Variants in ZNF676 observed in about 807,000 individuals in gnomAD.
ZNF676 encodes the protein zinc finger protein 676.
In ZNF676, 4 loss-of-function variants were observed where a neutral mutation model predicts 6.0. The observed-to-expected ratio is 0.67, with a 90% CI of 0.33 to 1.53. The LOEUF is 1.53. Among genes scored for constraint, ZNF676 ranks in the 40% most tolerant of loss-of-function variants. The pLI, the probability that ZNF676 is intolerant of heterozygous loss-of-function variation, is 0.06. For missense variants in ZNF676, 644 were observed against 679.7 expected, an observed-to-expected ratio of 0.95 and a Z score of 0.58; for synonymous variants, 198 against 223.1, an observed-to-expected ratio of 0.89 and a Z score of 1.00.
chr19:22,242,844 G>C, the ZNF676 span, among the ~76,000 whole-genome samples: 1 of 121,492 alleles, frequency 8.2e-6, no homozygotes, highest in Admixed American at 8.2e-5. Flanking sequence ...TACCCAAGTT[G>C]GGGGGGGGCT....
chr19:22,258,572 C>T, the ZNF676 span, among the ~76,000 whole-genome samples: 2 of 152,154 alleles, frequency 1.3e-5, no homozygotes, highest in Non-Finnish European at 2.9e-5. Flanking sequence ...GTAATGGTCA[C>T]AGCGATACGT....
upstream of ZNF676, among the ~76,000 whole-genome samples, chr19:22,218,114 G>A (rs537307182): frequency 2.0e-5 from 3 of 151,848 alleles, no homozygotes; most frequent in African/African-American, 7.2e-5. Context: ...AATGTTTGTT[G>A]GCCATTTGTA....
intron 2 of ZNF676, among the ~76,000 whole-genome samples, chr19:22,190,325 G>A (rs755222316): frequency 5.3e-5 from 8 of 151,594 alleles, no homozygotes; most frequent in African/African-American, 1.7e-4. Flanking sequence ...CAAAACACTC[G>A]AGCACGCTCT....
intron 1 of ZNF676, among the ~76,000 whole-genome samples, chr19:22,210,689 C>T (rs2024119967): frequency 1.3e-5 from 2 of 152,186 alleles, no homozygotes; most frequent in Admixed American, 6.5e-5. Flanking sequence ...TTACCTACTA[C>T]ACAGCCAGGA....
At chr19:22,202,081 T>C (rs536990737) in intron 1 of ZNF676, among the ~76,000 whole-genome samples, 1 of 152,132 alleles carries the variant, frequency 6.6e-6, no homozygotes, top group African/African-American at 2.4e-5. Context: ...GATTTAGAAT[T>C]TGGAGCTGCA....
the ZNF676 span, among the ~76,000 whole-genome samples, chr19:22,248,350 A>C: frequency 1.3e-5 from 2 of 152,240 alleles, no homozygotes; most frequent in African/African-American, 4.8e-5. Flanking sequence ...GAACTAGTTT[A>C]CAGTCCCACC....
At chr19:22,204,290 AT>A (rs928312951) in intron 1 of ZNF676, among the ~76,000 whole-genome samples, 32 of 152,344 alleles carry the variant, frequency 2.1e-4, no homozygotes, top group African/African-American at 6.0e-4. Flanking sequence ...AGTATGAATA[AT>A]TTTATGTACT....
At chr19:22,229,088 T>C in the ZNF676 span, among the ~76,000 whole-genome samples, 3 of 152,068 alleles carry the variant, frequency 2.0e-5, no homozygotes, top group African/African-American at 7.2e-5. Context: ...TTACAGTACC[T>C]GACTTCAAAC....
At chr19:22,217,627 G>T (rs2024206703), upstream of ZNF676, among the ~76,000 whole-genome samples, 1 of 146,430 alleles carries the variant, frequency 6.8e-6, no homozygotes, top group Non-Finnish European at 1.5e-5. Context: ...GATGGAGTTT[G>T]CTGTGATTAC....
upstream of ZNF676, among the ~76,000 whole-genome samples, chr19:22,200,229 T>A (rs565830396): frequency 2.8e-4 from 42 of 151,272 alleles, no homozygotes; most frequent in South Asian, 2.1e-3. Context: ...ATAAGAAATT[T>A]AAAAAAAAAT....
intron 1 of ZNF676, 111 bp from the exon 2 acceptor site, chr19:22,193,222 A>C (rs2023930878): frequency 1.8e-5 from 22 of 1,193,570 alleles, no homozygotes; most frequent in Non-Finnish European, 2.4e-5. Context: ...CATTTATCCC[A>C]AAATACTAAA....
rs1599715074 is a variant in ZNF676 at position 22,196,859 on chromosome 19, A to G, written c.-226T>C. ...ATGAATGACTGAAATTATTCAATAA[A>G]ATAGTTTTCAACACAGAAATGTTCA... On this transcript the variant is annotated 5_prime_UTR_variant, in exon 1 of 3. Transcript: ENST00000397121. 2 of 864,198 alleles carry G rather than the reference A, an allele frequency of 2.3e-6. No homozygotes were observed. The highest frequency in any genetic ancestry group is 5.4e-5 in the Admixed American group (2 of 37,036). The allele number at this position is 864,198 out of a possible 1,614,324, so 53.5% of individuals were successfully genotyped here.
chr19:22,190,686 T>C (rs986612535), intron 2 of ZNF676, among the ~76,000 whole-genome samples: 1 of 133,404 alleles, frequency 7.5e-6, no homozygotes, highest in Non-Finnish European at 1.6e-5. Flanking sequence ...TTAAGATATA[T>C]GGTCATATGA....
the ZNF676 span, among the ~76,000 whole-genome samples, chr19:22,257,413 G>A: frequency 6.6e-6 from 1 of 152,160 alleles, no homozygotes; most frequent in Non-Finnish European, 1.5e-5. Context: ...AATACGCAAG[G>A]CCCAGGTAAA....
chr19:22,187,950 C>T (rs576478433), intron 2 of ZNF676, among the ~76,000 whole-genome samples: 68 of 150,630 alleles, frequency 4.5e-4, no homozygotes, highest in Middle Eastern at 3.4e-3. Flanking sequence ...AAAGAAGAGC[C>T]GATTCTTTCT....
At chr19:22,249,503 C>T in the ZNF676 span, among the ~76,000 whole-genome samples, 3 of 152,138 alleles carry the variant, frequency 2.0e-5, no homozygotes, top group Admixed American at 6.5e-5. Flanking sequence ...ACCTCTGCCT[C>T]CCAGGTTCAA....
At chr19:22,232,892 T>C in the ZNF676 span, among the ~76,000 whole-genome samples, 1 of 152,180 alleles carries the variant, frequency 6.6e-6, no homozygotes, top group Admixed American at 6.5e-5. Flanking sequence ...AATGCAATGT[T>C]CTTTAAAAGT....
chr19:22,223,629 G>A, the ZNF676 span, among the ~76,000 whole-genome samples: 1 of 151,058 alleles, frequency 6.6e-6, no homozygotes, highest in Admixed American at 6.6e-5. Flanking sequence ...TAATATGTTA[G>A]AATTTACATG....
chr19:22,236,140 G>A, the ZNF676 span, among the ~76,000 whole-genome samples: 1 of 151,694 alleles, frequency 6.6e-6, no homozygotes, highest in Non-Finnish European at 1.5e-5. Context: ...TGCAATATTG[G>A]TTTTGATTTA....
Sources: allele counts gnomAD v4.1 joint callset (sites outside exome capture counted in the v4.1 genomes callset), GRCh38; gene constraint gnomAD v4.1.1; transcripts MANE v1.5; gene names NCBI Gene and HGNC (gene_info 2026-07-23, HGNC 2026-07-21).